The following ADK variants were observed in gnomAD, a reference collection of about 807,000 sequenced individuals.
ADK encodes adenosine kinase.
A neutral mutation model predicts 44.7 loss-of-function variants in ADK; 24 were observed. The observed-to-expected ratio is 0.54, with a 90% CI of 0.39 to 0.76. ADK has a LOEUF of 0.76. ADK is among the 30% of genes least tolerant of loss of function. ADK has a pLI of 0.00. For missense variants in ADK, 321 were observed against 425.1 expected, an observed-to-expected ratio of 0.76 and a Z score of 2.15; for synonymous variants, 128 against 142.6, an observed-to-expected ratio of 0.90 and a Z score of 0.73.
chr10:74,370,261 A>G (rs992565581), intron 4 of ADK, among the ~76,000 whole-genome samples: 1 of 152,238 alleles, frequency 6.6e-6, no homozygotes, highest in African/African-American at 2.4e-5. Context: ...TTGTTAATTC[A>G]AATCCCTATA....
In ADK at chr10:74,680,158, C is replaced by G. The variant is rs1855550345; in HGVS notation, c.964+9889C>G. Among the ~76,000 whole-genome samples the G allele has an allele frequency of 2.0e-5, 3 of 151,242 alleles. No homozygotes were observed. The South Asian group carries it at 6.3e-4, about 32-fold the overall frequency. ...TGAAACCCCGTCTCTACTAAAAATACAAAAAAATTAGCTGAGTGTGGTGGC... is the reference window on the plus strand; with the variant it reads ...TGAAACCCCGTCTCTACTAAAAATAGAAAAAAATTAGCTGAGTGTGGTGGC... On this transcript the variant is annotated intron_variant, in intron 10 of 10. Transcript: ENST00000539909.
At chr10:74,695,877 C>T (rs1856178661) in intron 10 of ADK, among the ~76,000 whole-genome samples, 1 of 151,850 alleles carries the variant, frequency 6.6e-6, no homozygotes, top group South Asian at 2.1e-4. Flanking sequence ...TGGGCTTAAG[C>T]GACCTGCCCA....
chr10:74,195,088 C>CT (rs1243677534), intron 1 of ADK, among the ~76,000 whole-genome samples: 2 of 88,530 alleles, frequency 2.3e-5, no homozygotes, highest in Admixed American at 1.2e-4. Context: ...CGCTCCCCCC[C>CT]CCAAAAAAAA....
In ADK at chr10:74,496,491, C is replaced by T. The variant is rs532702585; in HGVS notation, c.556-28765C>T. On this transcript the variant is annotated intron_variant, in intron 6 of 10. Transcript: ENST00000539909. ...TGCCACCTTGTGAAGAGGTACCTTC[C>T]GCCATGATTGTAAGTTTCCTGAGGC... Among the ~76,000 whole-genome samples the T allele has an allele frequency of 1.1e-4, 17 of 152,314 alleles. No homozygotes were observed. The South Asian group carries it at 2.5e-3, about 22-fold the overall frequency.
intron 7 of ADK, among the ~76,000 whole-genome samples, chr10:74,563,317 A>G (rs1850530197): frequency 6.6e-6 from 1 of 152,142 alleles, no homozygotes; most frequent in South Asian, 2.1e-4. Context: ...CTATTTTTAC[A>G]TCATGTTCAG....
intron 6 of ADK, among the ~76,000 whole-genome samples, chr10:74,472,345 C>CT (rs1020974673): frequency 6.6e-6 from 1 of 151,788 alleles, no homozygotes; most frequent in Admixed American, 6.6e-5. Context: ...TCCTCTGTGC[C>CT]TTTTTTTTAT....
chr10:74,264,399 G>A (rs757387824), intron 3 of ADK, among the ~76,000 whole-genome samples: 2 of 152,036 alleles, frequency 1.3e-5, no homozygotes, highest in Non-Finnish European at 2.9e-5. Flanking sequence ...GTGAGGCTGA[G>A]CCTTTTTTCT....
intron 6 of ADK, among the ~76,000 whole-genome samples, chr10:74,449,327 A>G (rs1295682289): frequency 6.6e-6 from 1 of 152,160 alleles, no homozygotes; most frequent in Non-Finnish European, 1.5e-5. Context: ...TATCCAGGAT[A>G]CTCCAGTAAT....
intron 7 of ADK, among the ~76,000 whole-genome samples, chr10:74,547,447 T>TA (rs1491404203): frequency 6.8e-4 from 12 of 17,572 alleles, no homozygotes; most frequent in South Asian, 5.5e-3. Context: ...TATATATATA[T>TA]TTATTTATTT....
intron 9 of ADK, among the ~76,000 whole-genome samples, chr10:74,661,877 A>G (rs574075278): frequency 6.6e-6 from 1 of 152,296 alleles, no homozygotes; most frequent in South Asian, 2.1e-4. Context: ...TTCCATCTAG[A>G]TTCTAAGCTC....
In ADK at chr10:74,708,679, TAAAC is replaced by T; in HGVS notation, c.*237_*240del. On this transcript the variant is annotated 3_prime_UTR_variant, in exon 11 of 11. Coordinates refer to ENST00000539909, the MANE Select transcript of ADK (RefSeq NM_006721.4). ...TTGATAGTGCCACTTAAATGCCAAT[TAAAC>T]AAGAATATAACATTTCAATAGAAAT... is the stretch of plus-strand genomic sequence containing the variant. The T allele has an allele frequency of 2.5e-6, 1 of 404,572 alleles. No individual in the cohort carries two copies. Among genetic ancestry groups the T allele is most frequent in the East Asian group, 5.3e-5 (1 of 18,904 alleles). The allele number at this position is 404,572 out of a possible 1,614,324, so 25.1% of individuals were successfully genotyped here.
intron 7 of ADK, among the ~76,000 whole-genome samples, chr10:74,558,534 T>C (rs1053144623): frequency 2.0e-5 from 3 of 152,230 alleles, no homozygotes; most frequent in African/African-American, 7.2e-5. Flanking sequence ...TCTCTGTCTC[T>C]CCTACCACTG....
chr10:74,478,769 T>G (rs1846952132), intron 6 of ADK, among the ~76,000 whole-genome samples: 1 of 152,250 alleles, frequency 6.6e-6, no homozygotes, highest in Non-Finnish European at 1.5e-5. Flanking sequence ...ATATAGCTAA[T>G]ACACATTTAT....
rs140505213 is a variant in ADK, at chr10:74,691,862, G to A, written c.965-16459G>A. Among the ~76,000 whole-genome samples the A allele has an allele frequency of 4.9e-3, 750 of 152,154 alleles. 24 individuals are homozygous for A. The highest frequency in any genetic ancestry group is 9.9e-4 in the Non-Finnish European group (67 of 68,004). Reference sequence around the variant, plus strand: ...ATTTTCCAACATCCTGAGGTTATATGTGTGGCCTATGGGGTGAGGATGTGT... The same window carrying A: ...ATTTTCCAACATCCTGAGGTTATATATGTGGCCTATGGGGTGAGGATGTGT... On this transcript the variant is annotated intron_variant, in intron 10 of 10. Transcript: ENST00000539909.
At chr10:74,397,246 C>G (rs1843551154) in intron 5 of ADK, among the ~76,000 whole-genome samples, 1 of 150,770 alleles carries the variant, frequency 6.6e-6, no homozygotes, top group Non-Finnish European at 1.5e-5. Context: ...CAGATGTATC[C>G]TTTAGTAGTA....
chr10:74,566,420 G>A (rs1020235802), intron 7 of ADK, among the ~76,000 whole-genome samples: 2 of 151,880 alleles, frequency 1.3e-5, no homozygotes, highest in East Asian at 1.9e-4. Flanking sequence ...TGAGAGGCTG[G>A]TCTTGCACTC....
chr10:74,292,038 C>A (rs1847459474), intron 3 of ADK, among the ~76,000 whole-genome samples: 1 of 152,108 alleles, frequency 6.6e-6, no homozygotes, highest in Non-Finnish European at 1.5e-5. Context: ...TCACTAGAAT[C>A]ATGAGCCCGT....
chr10:74,204,008 G>A (rs1450350491), intron 2 of ADK, among the ~76,000 whole-genome samples: 1 of 143,100 alleles, frequency 7.0e-6, no homozygotes, highest in Non-Finnish European at 1.5e-5. Context: ...CCAGGCTGGA[G>A]TGCAGTGGCA....
intron 6 of ADK, among the ~76,000 whole-genome samples, chr10:74,424,360 C>A (rs1481677473): frequency 1.3e-5 from 2 of 151,652 alleles, no homozygotes; most frequent in African/African-American, 2.4e-5. Context: ...CATGGAGAAA[C>A]CCTGCCTCTA....
Sources: allele counts gnomAD v4.1 joint callset (sites outside exome capture counted in the v4.1 genomes callset), GRCh38; gene constraint gnomAD v4.1.1; transcripts MANE v1.5; gene names NCBI Gene and HGNC (gene_info 2026-07-23, HGNC 2026-07-21).